Variants in ARHGAP21 observed in about 807,000 individuals in gnomAD.
ARHGAP21 encodes Rho GTPase activating protein 21.
A neutral mutation model predicts 164.6 loss-of-function variants in ARHGAP21; 38 were observed. The observed-to-expected ratio is 0.23, with a 90% CI of 0.18 to 0.30. ARHGAP21 has a LOEUF of 0.30. ARHGAP21 is among the 10% of genes least tolerant of loss of function. The pLI is 1.00. For synonymous variants in ARHGAP21, 766 were observed against 857.9 expected (o/e 0.89, Z 1.87); for missense variants, 1,822 against 2,370.7 (o/e 0.77, Z 4.81).
At chr10:24,600,101 C>T (rs1439782501) in intron 14 of ARHGAP21, among the ~76,000 whole-genome samples, 1 of 129,064 alleles carries the variant, frequency 7.7e-6, no homozygotes, top group Non-Finnish European at 1.6e-5. Context: ...CCACTGCACT[C>T]CAGCCTGGGC....
chr10:24,659,098 A>G (rs1839403374), intron 4 of ARHGAP21, among the ~76,000 whole-genome samples: 1 of 152,178 alleles, frequency 6.6e-6, no homozygotes, highest in African/African-American at 2.4e-5. Context: ...AGACATAGAA[A>G]TGGTATAGCC....
At chr10:24,656,278 C>G (rs1289517278) in intron 4 of ARHGAP21, among the ~76,000 whole-genome samples, 1 of 115,534 alleles carries the variant, frequency 8.7e-6, no homozygotes, top group Non-Finnish European at 1.8e-5. Context: ...TCTGCCCGGC[C>G]GCCCCTACTG....
chr10:24,584,619 C>A lies in ARHGAP21; in HGVS notation c.5670G>T (p.Leu1890Phe), dbSNP rs778249031. ...AACTGCCTGTGTTGCAATGAAGAGA[C>A]AAAGGTGTGTCGGTCGTGGCTATTT... Reference protein sequence around the residue: ...TREIATTDTPLSLHCNTGSSS... With the variant: ...TREIATTDTPFSLHCNTGSSS... Residue 1890 changes from leucine (L) to phenylalanine (F), a missense_variant, in exon 26 of 26, where the codon TTG (leucine) becomes TTT (phenylalanine). By Grantham distance (22) the Leu-to-Phe change is conservative. This residue lies in a region of ARHGAP21 where 165 missense variants were observed against 176.6 expected (regional missense o/e 0.93). Coordinates refer to ENST00000396432, the MANE Select transcript of ARHGAP21 (RefSeq NM_020824.4). 4 of 1,613,838 alleles carry A rather than the reference C, an allele frequency of 2.5e-6. No homozygotes were observed.
chr10:24,658,041 T>G (rs1839254847), intron 4 of ARHGAP21, among the ~76,000 whole-genome samples: 1 of 45,140 alleles, frequency 2.2e-5, no homozygotes, highest in Non-Finnish European at 3.9e-5. Context: ...ACCCAAGAAT[T>G]ATCAATAAAA....
chr10:24,654,575 C>T (rs912573266), intron 4 of ARHGAP21, among the ~76,000 whole-genome samples: 4 of 152,220 alleles, frequency 2.6e-5, no homozygotes, highest in African/African-American at 9.6e-5. Context: ...ATGTGAAGGA[C>T]CTCTTCAAGG....
Position 24,595,102 on chromosome 10 carries a change from T to TA in ARHGAP21, c.3786+14dup. ...AATTTTAGTTGTATCCCCCAAAATATAAAATAATACCTACTAGTCTTTTTA... is the reference window on the plus strand; with the variant it reads ...AATTTTAGTTGTATCCCCCAAAATATAAAAATAATACCTACTAGTCTTTTTA... On this transcript the variant is annotated intron_variant, in intron 20 of 25. Coordinates refer to ENST00000396432, the MANE Select transcript of ARHGAP21 (RefSeq NM_020824.4). The TA allele has an allele frequency of 3.1e-6, 5 of 1,608,342 alleles. No homozygotes were observed. The highest frequency in any genetic ancestry group is 4.3e-6 in the Non-Finnish European group (5 of 1,176,082).
chr10:24,661,887 G>C (rs1839725155), intron 4 of ARHGAP21, among the ~76,000 whole-genome samples: 1 of 152,194 alleles, frequency 6.6e-6, no homozygotes, highest in Non-Finnish European at 1.5e-5. Context: ...TTGTTGATCA[G>C]GTTATTTGCA....
chr10:24,597,491 G>A lies in ARHGAP21; in HGVS notation c.3290C>T (p.Pro1097Leu). The A allele has an allele frequency of 6.2e-7, 1 of 1,614,072 alleles. No individual in the cohort carries two copies. Among genetic ancestry groups the A allele is most frequent in the Non-Finnish European group, 8.5e-7 (1 of 1,179,960 alleles). The change falls in exon 16 of 26, where the codon CCA (proline) becomes CTA (leucine). Residue 1097 changes from proline to leucine, a missense_variant. By Grantham distance (98) the Pro-to-Leu change is moderately conservative. Transcript: ENST00000396432. The part of the protein sequence containing the change: ...GAKSEPKTQS[P>L]HSPKEESERK... ...TTCCGACTCTTCCTTCGGAGAGTGT[G>A]GGCTTTGAGTCTTTGGCTCTGATTT...
chr10:24,633,325 A>G, intron 6 of ARHGAP21, 77 bp downstream of exon 6: 2 of 1,028,724 alleles, frequency 1.9e-6, no homozygotes, highest in Non-Finnish European at 2.9e-6. Context: ...TTGTAAGAAT[A>G]GAAGATTGTA....
intron 2 of ARHGAP21, among the ~76,000 whole-genome samples, chr10:24,686,136 T>C (rs1842185391): frequency 6.6e-6 from 1 of 151,776 alleles, no homozygotes; most frequent in Non-Finnish European, 1.5e-5. Flanking sequence ...TAACTCAAAT[T>C]GGAAACTACT....
chr10:24,628,842 TAC>T (rs1342684201), intron 7 of ARHGAP21, among the ~76,000 whole-genome samples: 17 of 139,938 alleles, frequency 1.2e-4, no homozygotes, highest in Non-Finnish European at 1.8e-4. Flanking sequence ...TGTACATATA[TAC>T]ACATACATAT....
chr10:24,720,104 G>A (rs1845782264), intron 2 of ARHGAP21, among the ~76,000 whole-genome samples: 1 of 151,954 alleles, frequency 6.6e-6, no homozygotes, highest in South Asian at 2.1e-4. Context: ...CAGCAGTAAG[G>A]TCCAAATGAA....
chr10:24,589,388 C>G, intron 24 of ARHGAP21, 86 bp from the exon 25 acceptor site: 1 of 1,258,060 alleles, frequency 7.9e-7, no homozygotes, highest in South Asian at 1.3e-5. Flanking sequence ...GAAAGACAGG[C>G]ACAGAACAAA....
At chr10:24,706,436 ATTTACT>A (rs1230844913) in intron 2 of ARHGAP21, 1 of 152,682 alleles carries the variant, frequency 6.5e-6, no homozygotes, top group East Asian at 1.9e-4. Flanking sequence ...TTATATCCTG[ATTTACT>A]TTTGCTTTAT....
intron 2 of ARHGAP21, among the ~76,000 whole-genome samples, chr10:24,689,942 GTA>G (rs953744237): frequency 1.3e-3 from 9 of 6,990 alleles, no homozygotes; most frequent in African/African-American, 7.7e-3. Flanking sequence ...ATGTATATAT[GTA>G]TATGTGTGTG....
chr10:24,608,366 G>GTATC (rs892318992), intron 9 of ARHGAP21, among the ~76,000 whole-genome samples: 4 of 152,222 alleles, frequency 2.6e-5, no homozygotes, highest in African/African-American at 9.6e-5. Context: ...CTACACAAGT[G>GTATC]TATCTCAATT....
At chr10:24,680,496 C>T (rs1351293948) in intron 2 of ARHGAP21, among the ~76,000 whole-genome samples, 1 of 152,100 alleles carries the variant, frequency 6.6e-6, no homozygotes, top group Non-Finnish European at 1.5e-5. Context: ...TTACTGGGCT[C>T]TTTACACAAA....
At chr10:24,600,415 G>A (rs946431685) in intron 14 of ARHGAP21, among the ~76,000 whole-genome samples, 2 of 152,090 alleles carry the variant, frequency 1.3e-5, no homozygotes, top group African/African-American at 4.8e-5. Flanking sequence ...CTTCTGAGAA[G>A]GTATACAGCA....
chr10:24,720,747 A>G (rs530929118), intron 2 of ARHGAP21, among the ~76,000 whole-genome samples: 1 of 152,338 alleles, frequency 6.6e-6, no homozygotes, highest in African/African-American at 2.4e-5. Context: ...TGTTTCAAGG[A>G]CTATGAAGTT....
Sources: gnomAD v4.1 joint callset for allele counts (sites outside exome capture counted in the v4.1 genomes callset) on GRCh38, gnomAD v4.1.1 for gene constraint, gnomAD v4.1.1 regional missense constraint, MANE v1.5 for transcripts, NCBI Gene and HGNC (gene_info 2026-07-23, HGNC 2026-07-21) for gene names.